Variants in WASF2 observed in about 807,000 individuals in gnomAD.
WASF2 encodes the protein WASP family member 2.
In WASF2, 14 loss-of-function variants were observed where a neutral mutation model predicts 45.0. That is an observed-to-expected ratio of 0.31 (90% CI 0.21 to 0.49). The LOEUF (loss-of-function observed/expected upper bound fraction) is 0.49. WASF2 is among the 20% of genes least tolerant of loss of function. The pLI is 0.99. For synonymous variants in WASF2, 200 were observed against 236.3 expected, an observed-to-expected ratio of 0.85 and a Z score of 1.41; for missense variants, 439 against 636.1, an observed-to-expected ratio of 0.69 and a Z score of 3.33.
At chr1:27,486,842 C>T (rs1350032166) in intron 1 of WASF2, among the ~76,000 whole-genome samples, 10 of 151,316 alleles carry the variant, frequency 6.6e-5, no homozygotes, top group African/African-American at 9.7e-5. Flanking sequence ...GAGAATCGCC[C>T]GAACCTGGGA....
At chr1:27,486,157 T>A (rs2017920679) in intron 1 of WASF2, among the ~76,000 whole-genome samples, 1 of 152,130 alleles carries the variant, frequency 6.6e-6, no homozygotes, top group Admixed American at 6.5e-5. Context: ...ACAGTATTTA[T>A]CCCAGTTAGT....
chr1:27,407,878 A>G lies in WASF2; in HGVS notation c.*311T>C, dbSNP rs1390016799. On this transcript the variant is annotated 3_prime_UTR_variant, in exon 9 of 9. Coordinates refer to ENST00000618852, the MANE Select transcript of WASF2 (RefSeq NM_006990.5). ...TCCTAAGGGAAGCCCCATCTCCAAC[A>G]GAAACCCGATCAAAGGAATCTGCTT... The G allele has an allele frequency of 3.0e-5, 8 of 263,534 alleles. No individual in the cohort carries two copies. The highest frequency in any genetic ancestry group is 5.2e-5 in the Admixed American group (1 of 19,268). 16.3% of individuals were successfully genotyped at this position (263,534 alleles called of 1,614,324 possible).
At chr1:27,434,968 C>T (rs746423648) in intron 1 of WASF2, among the ~76,000 whole-genome samples, 18 of 151,406 alleles carry the variant, frequency 1.2e-4, no homozygotes, top group African/African-American at 1.7e-4. Flanking sequence ...TTTTTTTAGA[C>T]GGAGTTTTGC....
intron 2 of WASF2, among the ~76,000 whole-genome samples, chr1:27,420,940 A>G (rs1309645343): frequency 6.6e-6 from 1 of 152,198 alleles, no homozygotes; most frequent in Non-Finnish European, 1.5e-5. Context: ...TCAAAACTAC[A>G]TTTATGCTTA....
chr1:27,488,994 C>A (rs2017985246), intron 1 of WASF2, among the ~76,000 whole-genome samples: 1 of 151,788 alleles, frequency 6.6e-6, no homozygotes, highest in South Asian at 2.1e-4. Context: ...CATAAAAGTT[C>A]TTCCTCTTCC....
In WASF2 at chr1:27,489,246, ACG is replaced by A. The variant is rs201235530; in HGVS notation, c.-44+738_-44+739del. Among the ~76,000 whole-genome samples the A allele has an allele frequency of 5.3e-3, 575 of 107,850 alleles. 27 individuals are homozygous for A. The East Asian group carries it at 0.086, about 16-fold the overall frequency. The allele number at this position is 107,850 out of a possible 152,430, so 70.8% of individuals were successfully genotyped here. On this transcript the variant is annotated intron_variant, in intron 1 of 8. Transcript: ENST00000618852. ...CTCCTTACTCTGCAGACTATCCTGT[ACG>A]CGCGCACACACACACACACACACAC...
Position 27,489,348 on chromosome 1 carries a change from T to TACACACACAC in WASF2, c.-44+628_-44+637dup, listed in dbSNP as rs10636716. ...AACGAGCACCTCAATTACTTCATGG[T>TACACACACAC]ACACACACACACACACACACACACA... On this transcript the variant is annotated intron_variant, in intron 1 of 8. Transcript: ENST00000618852. 6.0e-3 allele frequency among the ~76,000 whole-genome samples: 61 copies of TACACACACAC among 10,092 alleles called. 14 individuals are homozygous for TACACACACAC. The highest frequency in any genetic ancestry group is 9.4e-3 in the African/African-American group (25 of 2,656). 6.6% of individuals were successfully genotyped at this position (10,092 alleles called of 152,430 possible).
In WASF2 at chr1:27,490,151, G is replaced by C. The variant is rs948823110; in HGVS notation, c.-209C>G. ...GCCCTGCCTGTGTCCGCCATTACGCGATTCCCCGCCCTGGGCGGCAGCCAC... is the reference window on the plus strand; with the variant it reads ...GCCCTGCCTGTGTCCGCCATTACGCCATTCCCCGCCCTGGGCGGCAGCCAC... On this transcript the variant is annotated 5_prime_UTR_variant, in exon 1 of 9. The change creates a new upstream start codon in the 5' untranslated region. Coordinates refer to ENST00000618852, the MANE Select transcript of WASF2 (RefSeq NM_006990.5). 1 of 152,370 alleles carries C rather than the reference G, an allele frequency of 6.6e-6. No homozygotes were observed. Among genetic ancestry groups the C allele is most frequent in the Non-Finnish European group, 1.5e-5 (1 of 68,142 alleles). 9.4% of individuals were successfully genotyped at this position (152,370 alleles called of 1,614,324 possible).
intron 1 of WASF2, among the ~76,000 whole-genome samples, chr1:27,487,050 TTATA>T (rs1470339019): frequency 9.3e-6 from 1 of 107,194 alleles, no homozygotes; most frequent in African/African-American, 4.3e-5. Context: ...GTTACATATA[TTATA>T]TATAACATAT....
intron 2 of WASF2, 103 bp downstream of exon 2, chr1:27,428,658 G>C (rs975764529): frequency 1.9e-6 from 3 of 1,577,782 alleles, no homozygotes; most frequent in African/African-American, 2.7e-5. Context: ...ATTACCTAGG[G>C]AAGGCAGATG....
At chr1:27,478,275 C>CA (rs765416697) in intron 1 of WASF2, among the ~76,000 whole-genome samples, 1,464 of 49,726 alleles carry the variant, frequency 0.029, 11 homozygotes, top group African/African-American at 0.063. Context: ...AATAGCAAAG[C>CA]AAAAAAAAAA....
chr1:27,434,148 C>T lies in WASF2; in HGVS notation c.-43-5215G>A, dbSNP rs566917087. On this transcript the variant is annotated intron_variant, in intron 1 of 8. Coordinates refer to ENST00000618852, the MANE Select transcript of WASF2 (RefSeq NM_006990.5). Reference sequence around the variant, plus strand: ...CTAGGTCATTTTAATTAGAATTGTCCGATAGTAGAATGGCTTATCTTTAGA... The same window carrying T: ...CTAGGTCATTTTAATTAGAATTGTCTGATAGTAGAATGGCTTATCTTTAGA... Among the ~76,000 whole-genome samples, 67 of 152,054 alleles carry T rather than the reference C, an allele frequency of 4.4e-4. 1 individual carries two copies. The highest frequency in any genetic ancestry group is 3.1e-3 in the Admixed American group (48 of 15,270).
chr1:27,436,953 T>C (rs2017145955), intron 1 of WASF2, among the ~76,000 whole-genome samples: 1 of 152,220 alleles, frequency 6.6e-6, no homozygotes, highest in Admixed American at 6.5e-5. Context: ...ATCCAATCAG[T>C]GTAGGGATAC....
At chr1:27,487,721 CATTAT>C (rs1378822738) in intron 1 of WASF2, among the ~76,000 whole-genome samples, 4 of 106,214 alleles carry the variant, frequency 3.8e-5, no homozygotes, top group East Asian at 4.9e-4. Context: ...TAATGTATAT[CATTAT>C]ATTATATAAT....
chr1:27,452,816 A>C (rs1055288063), intron 1 of WASF2, among the ~76,000 whole-genome samples: 1 of 151,750 alleles, frequency 6.6e-6, no homozygotes, highest in Non-Finnish European at 1.5e-5. Context: ...ACTCCATCTC[A>C]AAAAATTAAA....
rs2016646181 is a variant in WASF2 at position 27,405,089 on chromosome 1, C to A, written c.*3100G>T. 6.6e-6 allele frequency: 1 copy of A among 152,642 alleles called. No individual in the cohort carries two copies. Among genetic ancestry groups the A allele is most frequent in the Non-Finnish European group, 1.5e-5 (1 of 68,206 alleles). 9.5% of individuals were successfully genotyped at this position (152,642 alleles called of 1,614,324 possible). A position where few individuals can be genotyped will look rare whatever the true frequency, so the allele number is the denominator to read the frequency against. On this transcript the variant is annotated 3_prime_UTR_variant, in exon 9 of 9. Transcript: ENST00000618852. ...CAAAGCCACAGAGACCTCAATCTGT[C>A]CAAGCTGGCACTGCAGAGTCAGAGG...
chr1:27,477,895 T>G (rs2017788004), intron 1 of WASF2, among the ~76,000 whole-genome samples: 1 of 111,252 alleles, frequency 9.0e-6, no homozygotes, highest in African/African-American at 3.6e-5. Context: ...CGAGACTCCG[T>G]CTCAAAAAAA....
intron 1 of WASF2, among the ~76,000 whole-genome samples, chr1:27,448,870 C>T (rs1000755232): frequency 6.6e-6 from 1 of 150,392 alleles, no homozygotes; most frequent in Admixed American, 6.6e-5. Flanking sequence ...AGGTCATCCA[C>T]AATATGGCCC....
intron 1 of WASF2, among the ~76,000 whole-genome samples, chr1:27,482,887 TC>T (rs1228802556): frequency 6.6e-6 from 1 of 151,944 alleles, no homozygotes; most frequent in Non-Finnish European, 1.5e-5. Context: ...GAGAAATCTA[TC>T]CCCCCAGGAT....
Sources: allele counts gnomAD v4.1 joint callset (sites outside exome capture counted in the v4.1 genomes callset), GRCh38; gene constraint gnomAD v4.1.1; transcripts MANE v1.5; gene names NCBI Gene and HGNC (gene_info 2026-07-23, HGNC 2026-07-21).